Variants in ABCA13 observed in about 807,000 individuals in gnomAD.
ABCA13 encodes the protein ATP binding cassette subfamily A member 13.
Under a neutral mutation model 478.7 loss-of-function variants are expected in ABCA13, and 476 were observed. That is an observed-to-expected ratio of 0.99 (90% CI 0.92 to 1.07). The LOEUF is 1.07. ABCA13 is among the 50% of genes least tolerant of loss of function. The pLI is 0.00. For missense variants in ABCA13, 6,060 were observed against 5,910.6 expected, an observed-to-expected ratio of 1.03 and a Z score of -0.83; for synonymous variants, 2,252 against 2,158.9, an observed-to-expected ratio of 1.04 and a Z score of -1.20.
intron 58 of ABCA13, among the ~76,000 whole-genome samples, chr7:48,597,229 C>T (rs1431760210): frequency 1.3e-5 from 2 of 152,156 alleles, no homozygotes; most frequent in Non-Finnish European, 2.9e-5. Flanking sequence ...GGATTACAGG[C>T]GTGAGCCACC....
intron 23 of ABCA13, among the ~76,000 whole-genome samples, chr7:48,308,414 A>C (rs1271455175): frequency 6.6e-6 from 1 of 152,236 alleles, no homozygotes; most frequent in African/African-American, 2.4e-5. Context: ...TAGTTAGTAC[A>C]TAAACCAGTA....
intron 29 of ABCA13, 59 bp downstream of exon 29, chr7:48,338,514 T>C (rs1806629666): frequency 2.2e-6 from 3 of 1,384,602 alleles, no homozygotes; most frequent in Non-Finnish European, 3.0e-6. Context: ...GCCACTTGGG[T>C]GGGTCCTCCC....
intron 55 of ABCA13, among the ~76,000 whole-genome samples, chr7:48,565,427 G>A (rs555052553): frequency 6.6e-6 from 1 of 152,038 alleles, no homozygotes; most frequent in Non-Finnish European, 1.5e-5. Context: ...ATGAATGACT[G>A]TTTTCTCTTA....
intron 55 of ABCA13, among the ~76,000 whole-genome samples, chr7:48,558,125 C>CCCTT (rs571602470): frequency 1.3e-5 from 2 of 150,008 alleles, no homozygotes; most frequent in Non-Finnish European, 3.0e-5. Context: ...TTGTACCTTC[C>CCCTT]CCTTCCTTCC....
intron 53 of ABCA13, among the ~76,000 whole-genome samples, chr7:48,521,868 A>C (rs938894867): frequency 2.6e-5 from 4 of 152,166 alleles, no homozygotes; most frequent in African/African-American, 9.7e-5. Flanking sequence ...CTACCATTTT[A>C]TGGATAACTG....
intron 1 of ABCA13, among the ~76,000 whole-genome samples, chr7:48,188,215 G>T (rs769669716): frequency 1.1e-4 from 16 of 152,182 alleles, no homozygotes; most frequent in Non-Finnish European, 2.9e-5. Flanking sequence ...GCTCTCCTAT[G>T]AAAAATTGTT....
intron 59 of ABCA13, among the ~76,000 whole-genome samples, chr7:48,634,233 A>C (rs1033627746): frequency 1.2e-4 from 18 of 152,170 alleles, no homozygotes; most frequent in Non-Finnish European, 1.9e-4. Context: ...CTTAAGAGAC[A>C]TTGGTCTGTA....
At chr7:48,575,138 A>T (rs891470884) in intron 55 of ABCA13, among the ~76,000 whole-genome samples, 5 of 152,090 alleles carry the variant, frequency 3.3e-5, no homozygotes, top group Non-Finnish European at 7.4e-5. Context: ...TATCTGAACT[A>T]TAAACTTAAG....
chr7:48,234,536 G>A (rs1789655856), intron 8 of ABCA13, among the ~76,000 whole-genome samples: 1 of 152,144 alleles, frequency 6.6e-6, no homozygotes. Context: ...TGAATTTCCA[G>A]GTAAAGAGAT....
intron 3 of ABCA13, among the ~76,000 whole-genome samples, chr7:48,201,810 G>T (rs993644998): frequency 1.3e-5 from 2 of 152,254 alleles, no homozygotes; most frequent in Non-Finnish European, 2.9e-5. Flanking sequence ...CTGACTTCAA[G>T]AATGAAGCCG....
At position 48,439,182 on chromosome 7, in the gene ABCA13, T is replaced by G. The variant is rs1329966148; in HGVS notation, c.12565+11311T>G. The stretch of plus-strand genomic sequence containing the variant: ...AACAAGTTCTCTGCTTAGGATCTCA[T>G]AAAGCTGAATAAATGTATTATTAAG... On this transcript the variant is annotated intron_variant, in intron 42 of 61. Transcript: ENST00000435803. Among the ~76,000 whole-genome samples the G allele has an allele frequency of 7.9e-5, 12 of 152,282 alleles. No individual in the cohort carries two copies. In the East Asian group the frequency reaches 2.3e-3, roughly 29 times the overall value.
In ABCA13 at chr7:48,279,307, C is replaced by T; in HGVS notation, c.8113C>T (p.Pro2705Ser). 1.3e-6 allele frequency: 2 copies of T among 1,588,068 alleles called. No individual in the cohort carries two copies. Among genetic ancestry groups the T allele is most frequent in the South Asian group, 1.1e-5 (1 of 87,782 alleles). Residue 2705 changes from proline to serine, a missense_variant, in exon 18 of 62, where the codon CCT becomes TCT. Coordinates refer to ENST00000435803, the MANE Select transcript of ABCA13 (RefSeq NM_152701.5). ...YPNPISTHSG[P>S]QDIKWEIIHE... ...TAATCCAATTTCCACTCATAGTGGC[C>T]CTCAAGATATAAAATGGGAAATAAT...
chr7:48,513,987 C>T (rs1831914222), intron 51 of ABCA13, among the ~76,000 whole-genome samples: 2 of 152,186 alleles, frequency 1.3e-5, no homozygotes, highest in South Asian at 2.1e-4. Flanking sequence ...ATGCTTTGAT[C>T]CACTTGTCAA....
At chr7:48,264,198 A>G (rs1348597425) in intron 15 of ABCA13, among the ~76,000 whole-genome samples, 1 of 151,936 alleles carries the variant, frequency 6.6e-6, no homozygotes, top group Non-Finnish European at 1.5e-5. Context: ...ATCCATTCAC[A>G]CAATTCACAA....
At chr7:48,404,930 T>G (rs1477743425) in intron 39 of ABCA13, among the ~76,000 whole-genome samples, 1 of 152,232 alleles carries the variant, frequency 6.6e-6, no homozygotes, top group Non-Finnish European at 1.5e-5. Flanking sequence ...CAGATGTGAC[T>G]TTTTGTTCCA....
chr7:48,211,067 G>A (rs897324103), intron 3 of ABCA13, among the ~76,000 whole-genome samples: 5 of 151,978 alleles, frequency 3.3e-5, no homozygotes, highest in South Asian at 4.1e-4. Flanking sequence ...ATTACATTTC[G>A]CTGTCTGAGA....
At chr7:48,477,274 AC>A in intron 45 of ABCA13, among the ~76,000 whole-genome samples, 1 of 152,126 alleles carries the variant, frequency 6.6e-6, no homozygotes, top group East Asian at 1.9e-4. Context: ...AAATAGGAAC[AC>A]TTTTACACTG....
chr7:48,496,709 A>G (rs912399211), intron 48 of ABCA13, among the ~76,000 whole-genome samples: 1 of 152,154 alleles, frequency 6.6e-6, no homozygotes, highest in African/African-American at 2.4e-5. Context: ...CACTGAATAT[A>G]GAATTCATGG....
chr7:48,287,874 G>T, intron 19 of ABCA13, 86 bp from the exon 20 acceptor site: 1 of 984,274 alleles, frequency 1.0e-6, no homozygotes, highest in East Asian at 2.4e-5. Flanking sequence ...GTATCACTTT[G>T]AATCTTTAAA....
Sources: gnomAD v4.1 joint callset for allele counts (sites outside exome capture counted in the v4.1 genomes callset) on GRCh38, gnomAD v4.1.1 for gene constraint, MANE v1.5 for transcripts, NCBI Gene and HGNC (gene_info 2026-07-23, HGNC 2026-07-21) for gene names.